The following NIPA1 variants were observed in gnomAD, a reference collection of about 807,000 sequenced individuals.
NIPA1 encodes the protein magnesium transporter NIPA1.
NIPA1 carries 13 observed loss-of-function variants against 23.9 expected under a neutral mutation model. That is an observed-to-expected ratio of 0.54 (90% CI 0.35 to 0.87). The LOEUF (loss-of-function observed/expected upper bound fraction) is 0.87, where lower values mean the gene tolerates loss of function less well. Ranked by LOEUF, NIPA1 falls within the 40% of genes least tolerant of loss-of-function variation. The probability of loss-of-function intolerance (pLI) is 0.01; values close to 1 mark genes in which losing one functional copy is unlikely to be tolerated. For synonymous variants in NIPA1, 234 were observed against 202.9 expected, an observed-to-expected ratio of 1.15 and a Z score of -1.30; for missense variants, 362 against 429.7, an observed-to-expected ratio of 0.84 and a Z score of 1.39.
At chr15:22,814,404 C>T (rs557498512) in intron 3 of NIPA1, among the ~76,000 whole-genome samples, 45 of 152,098 alleles carry the variant, frequency 3.0e-4, no homozygotes, top group East Asian at 2.3e-3. Flanking sequence ...GGGGTTTGAC[C>T]GTGTTGGCTG....
Position 22,824,697 on chromosome 15 carries a change from G to A in NIPA1, c.*458G>A, listed in dbSNP as rs1465132304. The stretch of plus-strand genomic sequence containing the variant: ...CTGTAGTTGTGTTAGTTTGCATTAA[G>A]CATGTATAACATTCAAGTATGTCAT... On this transcript the variant is annotated 3_prime_UTR_variant, in exon 5 of 5. Transcript: ENST00000337435. This position sits in a 1 kb window ranked among gnomAD's most constrained non-coding sequence, Gnocchi z 4.1. The A allele has an allele frequency of 1.1e-5, 2 of 187,760 alleles. No individual in the cohort carries two copies. The highest frequency in any genetic ancestry group is 2.2e-5 in the Non-Finnish European group (2 of 88,924). 11.6% of individuals were successfully genotyped at this position (187,760 alleles called of 1,614,324 possible).
At chr15:22,793,357 CAAAAA>C (rs1163603849) in intron 1 of NIPA1, among the ~76,000 whole-genome samples, 1 of 73,094 alleles carries the variant, frequency 1.4e-5, no homozygotes, top group East Asian at 4.3e-4. Context: ...GACTGTGTCT[CAAAAA>C]AAAAAAAAAA....
At chr15:22,809,519 C>T (rs1023989068) in intron 1 of NIPA1, among the ~76,000 whole-genome samples, 102 of 152,006 alleles carry the variant, frequency 6.7e-4, no homozygotes, top group African/African-American at 2.0e-3. Flanking sequence ...CTGAGGCAGG[C>T]GGATCACCTG....
Position 22,825,171 on chromosome 15 carries a change from G to C in NIPA1, c.*932G>C, listed in dbSNP as rs1895624362. On this transcript the variant is annotated 3_prime_UTR_variant, in exon 5 of 5. Transcript: ENST00000337435. ...TGACCCACCCAGGCCAGATGGTACA[G>C]CCTGTTGCTCCTGGGCCACACACCT... 1.3e-5 allele frequency: 2 copies of C among 152,202 alleles called. No homozygotes were observed. The highest frequency in any genetic ancestry group is 4.8e-5 in the African/African-American group (2 of 41,442). The allele number at this position is 152,202 out of a possible 1,614,324, so 9.4% of individuals were successfully genotyped here. A position where few individuals can be genotyped will look rare whatever the true frequency, so the allele number is the denominator to read the frequency against.
chr15:22,813,299 A>AT (rs981807214), intron 3 of NIPA1, among the ~76,000 whole-genome samples: 11 of 152,030 alleles, frequency 7.2e-5, no homozygotes, highest in Admixed American at 6.5e-4. Flanking sequence ...CATTTTATTT[A>AT]TTTTTTTAAT....
intron 4 of NIPA1, among the ~76,000 whole-genome samples, chr15:22,822,801 TG>T (rs1369609557): frequency 6.7e-6 from 1 of 150,208 alleles, no homozygotes; most frequent in East Asian, 2.0e-4. Context: ...CAATCCAGCC[TG>T]GGCAACAAAG....
At chr15:22,799,745 G>A (rs916843031) in intron 1 of NIPA1, among the ~76,000 whole-genome samples, 2 of 150,306 alleles carry the variant, frequency 1.3e-5, no homozygotes, top group Non-Finnish European at 3.0e-5. Flanking sequence ...TCGCACCATT[G>A]CACTCCAGCC....
At chr15:22,790,122 G>T (rs1280850277) in intron 1 of NIPA1, among the ~76,000 whole-genome samples, 1 of 152,026 alleles carries the variant, frequency 6.6e-6, no homozygotes, top group African/African-American at 2.4e-5. Context: ...TTTAGAACAG[G>T]AATGAAAGGA....
chr15:22,815,965 C>G (rs8027218), intron 3 of NIPA1, among the ~76,000 whole-genome samples: 63,061 of 151,814 alleles, frequency 0.42, 13,665 homozygotes, highest in East Asian at 0.59. Context: ...GGGCCTCTGT[C>G]AAAGTACCCC....
At chr15:22,800,835 G>T (rs1189190776) in intron 1 of NIPA1, among the ~76,000 whole-genome samples, 1 of 151,940 alleles carries the variant, frequency 6.6e-6, no homozygotes, top group African/African-American at 2.4e-5. Flanking sequence ...GGAGGCTGAG[G>T]CAGGAGAATG....
At chr15:22,814,253 G>GT (rs1024893383) in intron 3 of NIPA1, 4,713 of 295,824 alleles carry the variant, frequency 0.016, 11 homozygotes, top group South Asian at 0.024. Context: ...GTATATATGA[G>GT]TTTTTTTTTT....
At chr15:22,807,397 A>G (rs115509561) in intron 1 of NIPA1, among the ~76,000 whole-genome samples, 2,278 of 152,242 alleles carry the variant, frequency 0.015, 70 homozygotes, top group African/African-American at 0.052. Flanking sequence ...ATGACTTCAC[A>G]AAACGTCCTG....
intron 1 of NIPA1, among the ~76,000 whole-genome samples, chr15:22,787,149 C>A (rs1387404375): frequency 6.6e-6 from 1 of 152,036 alleles, no homozygotes; most frequent in East Asian, 1.9e-4. Context: ...CCCCGGCTGA[C>A]TTTTTCCCTC....
intron 1 of NIPA1, among the ~76,000 whole-genome samples, chr15:22,807,491 A>C (rs900195349): frequency 6.6e-6 from 1 of 152,168 alleles, no homozygotes; most frequent in African/African-American, 2.4e-5. Context: ...AGGCTGAGGC[A>C]GGAGAATCAC....
At chr15:22,816,246 T>C (rs751819855) in intron 3 of NIPA1, among the ~76,000 whole-genome samples, 24 of 144,538 alleles carry the variant, frequency 1.7e-4, no homozygotes, top group Non-Finnish European at 3.0e-4. Context: ...TAGAGTTCAG[T>C]TGTGTGATCT....
At chr15:22,813,179 C>T (rs763747252) in intron 3 of NIPA1, among the ~76,000 whole-genome samples, 54 of 152,040 alleles carry the variant, frequency 3.6e-4, no homozygotes, top group South Asian at 1.0e-3. Flanking sequence ...ATGCTTAGGC[C>T]GGGCTGGCAT....
rs952308403 is a variant in NIPA1 at position 22,828,643 on chromosome 15, T to G, written c.*4404T>G. The G allele has an allele frequency of 2.0e-5, 3 of 152,634 alleles. No individual in the cohort carries two copies. The highest frequency in any genetic ancestry group is 7.2e-5 in the African/African-American group (3 of 41,450). The allele number at this position is 152,634 out of a possible 1,614,324, so 9.5% of individuals were successfully genotyped here. On this transcript the variant is annotated 3_prime_UTR_variant, in exon 5 of 5. Coordinates refer to ENST00000337435, the MANE Select transcript of NIPA1 (RefSeq NM_144599.5). Reference sequence around the variant, plus strand: ...TATGTTGTCTAGTAAAAAGTTGATATTCAGTAGAACAAGGATCATGTAAAT... The same window carrying G: ...TATGTTGTCTAGTAAAAAGTTGATAGTCAGTAGAACAAGGATCATGTAAAT...
chr15:22,821,668 C>G (rs988008926), intron 4 of NIPA1, among the ~76,000 whole-genome samples: 2 of 151,260 alleles, frequency 1.3e-5, no homozygotes, highest in African/African-American at 2.4e-5. Context: ...CAAGTCCACA[C>G]TCGCTGGTTT....
intron 3 of NIPA1, among the ~76,000 whole-genome samples, chr15:22,815,051 C>T (rs1895389202): frequency 6.6e-6 from 1 of 152,138 alleles, no homozygotes; most frequent in South Asian, 2.1e-4. Context: ...GGGCAAACCA[C>T]CCCTGGTCAA....
Sources: allele counts gnomAD v4.1 joint callset (sites outside exome capture counted in the v4.1 genomes callset), GRCh38; gene constraint gnomAD v4.1.1; non-coding constraint Gnocchi (gnomAD v3.1); transcripts MANE v1.5; gene names NCBI Gene and HGNC (gene_info 2026-07-23, HGNC 2026-07-21).